The following LIPK variants were observed in gnomAD, a reference collection of about 807,000 sequenced individuals.
LIPK encodes the protein lipase member K.
Under a neutral mutation model 48.6 loss-of-function variants are expected in LIPK, and 32 were observed. That is an observed-to-expected ratio of 0.66 (90% CI 0.50 to 0.88). LIPK has a LOEUF of 0.88. Among genes scored for constraint, LIPK ranks in the 40% least tolerant of loss-of-function variants. The pLI, the probability that LIPK is intolerant of heterozygous loss-of-function variation, is 0.00. For synonymous variants in LIPK, 164 were observed against 157.4 expected, an observed-to-expected ratio of 1.04 and a Z score of -0.32; for missense variants, 507 against 478.5, an observed-to-expected ratio of 1.06 and a Z score of -0.56.
At chr10:88,748,896 T>C (rs1466590636) in intron 9 of LIPK, among the ~76,000 whole-genome samples, 2 of 151,296 alleles carry the variant, frequency 1.3e-5, no homozygotes, top group Non-Finnish European at 2.9e-5. Flanking sequence ...AAAAACCCCA[T>C]AGTCTCATTC....
At chr10:88,714,488 T>C (rs1842080685) in intron 1 of LIPK, among the ~76,000 whole-genome samples, 1 of 152,174 alleles carries the variant, frequency 6.6e-6, no homozygotes, top group Non-Finnish European at 1.5e-5. Flanking sequence ...GCATATTAGA[T>C]AGGATGCTCA....
chr10:88,718,308 T>C (rs1005067300), intron 1 of LIPK, among the ~76,000 whole-genome samples: 3 of 148,520 alleles, frequency 2.0e-5, no homozygotes, highest in African/African-American at 7.3e-5. Flanking sequence ...TAGATCTATA[T>C]ATATAGAAGG....
At chr10:88,746,719 A>G (rs577121037) in intron 9 of LIPK, among the ~76,000 whole-genome samples, 2 of 152,284 alleles carry the variant, frequency 1.3e-5, no homozygotes, top group African/African-American at 4.8e-5. Context: ...CTAGAAAAAC[A>G]AGAGCAAACC....
chr10:88,737,706 T>A lies in LIPK; in HGVS notation c.741T>A (p.Asn247Lys). The change falls in exon 7 of 10, where the codon AAT (asparagine) becomes AAA (lysine). Residue 247 changes from asparagine to lysine, a missense_variant. Transcript: ENST00000404190. ...FDQFIATKVC[N>K]RKLFRRICSN... ...AATTCATTGCCACCAAAGTGTGCAA[T>A]CGAAAGCTATTCCGTCGTATTTGCA... 1 of 1,613,902 alleles carries A rather than the reference T, an allele frequency of 6.2e-7. No individual in the cohort carries two copies.
intron 1 of LIPK, among the ~76,000 whole-genome samples, chr10:88,711,110 T>C (rs561783384): frequency 5.3e-4 from 80 of 152,214 alleles, no homozygotes; most frequent in Non-Finnish European, 9.3e-4. Flanking sequence ...TTTTGTTTAC[T>C]GTCTGTCCAA....
At position 88,737,719 on chromosome 10, in the gene LIPK, C is replaced by T. The variant is rs376096296; in HGVS notation, c.754C>T (p.Arg252Cys). 14 of 1,613,736 alleles carry T rather than the reference C, an allele frequency of 8.7e-6. No homozygotes were observed. Among genetic ancestry groups the T allele is most frequent in the African/African-American group, 1.3e-5 (1 of 74,914 alleles). Residue 252 changes from arginine (R) to cysteine (C), a missense_variant, in exon 7 of 10, where the codon CGT becomes TGT. Arg to Cys is a radical substitution (Grantham distance 180). Transcript: ENST00000404190. ...CAAAGTGTGCAATCGAAAGCTATTC[C>T]GTCGTATTTGCAGCAACTTCCTATT... ...ATKVCNRKLF[R>C]RICSNFLFTL...
chr10:88,734,819 AAAT>A (rs1842538831), intron 6 of LIPK, among the ~76,000 whole-genome samples: 2 of 152,212 alleles, frequency 1.3e-5, no homozygotes, highest in African/African-American at 4.8e-5. Flanking sequence ...TATGACAATG[AAAT>A]GATAGACAAC....
intron 4 of LIPK, 29 bp downstream of exon 4, chr10:88,731,210 T>C (rs1483670624): frequency 6.8e-7 from 1 of 1,467,656 alleles, no homozygotes. Context: ...ATGAATAAAA[T>C]GTGTACTTTC....
intron 2 of LIPK, among the ~76,000 whole-genome samples, chr10:88,725,708 T>C (rs1842323916): frequency 6.6e-6 from 1 of 152,234 alleles, no homozygotes; most frequent in South Asian, 2.1e-4. Flanking sequence ...AGGCCTCTTA[T>C]AAGTTTAATG....
rs1842145965 is a variant in LIPK at position 88,717,675 on chromosome 10, A to C, written c.-11-6858A>C. On this transcript the variant is annotated intron_variant, in intron 1 of 9. Coordinates refer to ENST00000404190, the MANE Select transcript of LIPK (RefSeq NM_001080518.2). ...TTGGGAAATAATGATGTACCATCTG[A>C]TCTACAGACAAAAATAAGCTGAATG... Among the ~76,000 whole-genome samples the C allele has an allele frequency of 3.9e-5, 6 of 152,354 alleles. No homozygotes were observed. The South Asian group carries it at 1.2e-3, about 32-fold the overall frequency.
At chr10:88,737,437 AT>A (rs1842594817) in intron 6 of LIPK, among the ~76,000 whole-genome samples, 197 bp from the exon 7 acceptor site, 1 of 152,186 alleles carries the variant, frequency 6.6e-6, no homozygotes, top group African/African-American at 2.4e-5. Flanking sequence ...AACCACCCCA[AT>A]TAAAGATTTT....
At chr10:88,722,882 C>CTTTCTTCTTT (rs1842256063) in intron 1 of LIPK, among the ~76,000 whole-genome samples, 1 of 46,028 alleles carries the variant, frequency 2.2e-5, no homozygotes, top group Non-Finnish European at 3.3e-5. Flanking sequence ...TTCTTCTTTT[C>CTTTCTTCTTT]TTTTTTCTTT....
intron 8 of LIPK, among the ~76,000 whole-genome samples, chr10:88,742,891 C>G (rs923846111): frequency 6.6e-6 from 1 of 152,082 alleles, no homozygotes; most frequent in Non-Finnish European, 1.5e-5. Context: ...ATAGCTAATG[C>G]CTTTTTAAAA....
At chr10:88,749,613 C>G (rs932304503) in intron 9 of LIPK, among the ~76,000 whole-genome samples, 1 of 151,376 alleles carries the variant, frequency 6.6e-6, no homozygotes, top group Non-Finnish European at 1.5e-5. Context: ...AAAATTAACT[C>G]AAGATGGATT....
intron 1 of LIPK, among the ~76,000 whole-genome samples, chr10:88,723,457 T>C (rs1311102614): frequency 1.3e-5 from 2 of 152,066 alleles, no homozygotes; most frequent in African/African-American, 2.4e-5. Flanking sequence ...TTTTCTAACA[T>C]AATTTGAAGA....
chr10:88,731,239 C>T, intron 4 of LIPK, 58 bp downstream of exon 4: 1 of 1,309,520 alleles, frequency 7.6e-7, no homozygotes, highest in Non-Finnish European at 1.0e-6. Context: ...TATGTATGAA[C>T]ACCTAGTGAT....
At chr10:88,749,918 T>G (rs566053) in intron 9 of LIPK, among the ~76,000 whole-genome samples, 36,440 of 152,078 alleles carry the variant, frequency 0.24, 4,519 homozygotes, top group East Asian at 0.37. Flanking sequence ...GACAAAGATC[T>G]AATATCCAAA....
intron 1 of LIPK, among the ~76,000 whole-genome samples, chr10:88,718,609 A>G (rs537941244): frequency 2.6e-5 from 4 of 152,098 alleles, no homozygotes; most frequent in African/African-American, 9.6e-5. Context: ...TTAAGACAAA[A>G]TTGTTCCTCT....
At position 88,726,932 on chromosome 10, in the gene LIPK, GA is replaced by G. The variant is rs1377342580; in HGVS notation, c.223+23del. Reference sequence around the variant, plus strand: ...GGACAGGTATTATTTATTTTGTTATGAAAGGAAAAATACTTAAAGCAGAGGT... The same window carrying G: ...GGACAGGTATTATTTATTTTGTTATGAAGGAAAAATACTTAAAGCAGAGGT... On this transcript the variant is annotated intron_variant, in intron 3 of 9. Coordinates refer to ENST00000404190, the MANE Select transcript of LIPK (RefSeq NM_001080518.2). 8 of 1,403,262 alleles carry G rather than the reference GA, an allele frequency of 5.7e-6. No homozygotes were observed. Among genetic ancestry groups the G allele is most frequent in the Non-Finnish European group, 5.0e-6 (5 of 1,005,428 alleles). The allele number at this position is 1,403,262 out of a possible 1,614,324, so 86.9% of individuals were successfully genotyped here. A position where few individuals can be genotyped will look rare whatever the true frequency, so the allele number is the denominator to read the frequency against.
Sources: allele counts gnomAD v4.1 joint callset (sites outside exome capture counted in the v4.1 genomes callset), GRCh38; gene constraint gnomAD v4.1.1; transcripts MANE v1.5; gene names NCBI Gene and HGNC (gene_info 2026-07-23, HGNC 2026-07-21).